CUL1: variants seen among roughly 807,000 people sequenced by gnomAD.
CUL1 encodes cullin-1.
In CUL1, 24 loss-of-function variants were observed where a neutral mutation model predicts 118.0. The ratio of observed to expected loss-of-function variants is 0.20; its 90% CI spans 0.15 to 0.29. CUL1 has a LOEUF of 0.29. Ranked by LOEUF, CUL1 falls within the 10% of genes least tolerant of loss-of-function variation. CUL1 has a pLI of 1.00. For missense variants in CUL1, 361 were observed against 933.8 expected (o/e 0.39, Z 7.99); for synonymous variants, 332 against 340.4 (o/e 0.98, Z 0.27).
intron 1 of CUL1, among the ~76,000 whole-genome samples, chr7:148,710,343 G>A (rs971264151): frequency 1.2e-4 from 18 of 152,114 alleles, no homozygotes; most frequent in Non-Finnish European, 2.4e-4. Flanking sequence ...GCCAAGGCGA[G>A]CGGATCACCT....
In CUL1 at chr7:148,756,973, T is replaced by G; in HGVS notation, c.316-10T>G. 1 of 1,565,466 alleles carries G rather than the reference T, an allele frequency of 6.4e-7. No individual in the cohort carries two copies. The highest frequency in any genetic ancestry group is 8.6e-7 in the Non-Finnish European group (1 of 1,156,176). On this transcript the variant is annotated splice_polypyrimidine_tract_variant and intron_variant, in intron 3 of 21. Transcript: ENST00000325222. The stretch of plus-strand genomic sequence containing the variant: ...TAGTCATCTTAAAGCTTTAGTTAAC[T>G]TGTTTTTAGGATGGAGAAGATTTGA...
chr7:148,761,384 G>A (rs928366649), intron 7 of CUL1, among the ~76,000 whole-genome samples: 1 of 152,144 alleles, frequency 6.6e-6, no homozygotes. Context: ...GGTGGCACGT[G>A]CCTGTAATCC....
At chr7:148,721,708 T>C (rs1798401998) in intron 1 of CUL1, among the ~76,000 whole-genome samples, 1 of 151,584 alleles carries the variant, frequency 6.6e-6, no homozygotes, top group South Asian at 2.1e-4. Flanking sequence ...ATATACTGTA[T>C]ATATTCCTTT....
At chr7:148,704,147 A>G (rs950035741) in intron 1 of CUL1, among the ~76,000 whole-genome samples, 19 of 140,190 alleles carry the variant, frequency 1.4e-4, no homozygotes, top group Non-Finnish European at 2.4e-4. Flanking sequence ...AACACCACCA[A>G]CAAAAGCGGC....
rs114645091 is a variant in CUL1 at position 148,738,243 on chromosome 7, C to T, written c.140+7981C>T. On this transcript the variant is annotated intron_variant, in intron 2 of 21. Transcript: ENST00000325222. ...TATTACGTTAGTAGTAGATGCTGAACTCCAGGAAGGCAGTCTGTTGGTGAG... is the reference window on the plus strand; with the variant it reads ...TATTACGTTAGTAGTAGATGCTGAATTCCAGGAAGGCAGTCTGTTGGTGAG... 1.8e-3 allele frequency among the ~76,000 whole-genome samples: 268 copies of T among 152,274 alleles called. 1 individual carries two copies. The highest frequency in any genetic ancestry group is 6.0e-3 in the African/African-American group (250 of 41,550).
intron 7 of CUL1, among the ~76,000 whole-genome samples, chr7:148,764,083 G>C (rs1468161771): frequency 6.6e-6 from 1 of 152,060 alleles, no homozygotes; most frequent in Non-Finnish European, 1.5e-5. Context: ...GACTACTGTA[G>C]GTTTCTAATG....
At position 148,706,424 on chromosome 7, in the gene CUL1, C is replaced by T. The variant is rs552969380; in HGVS notation, c.-162+7395C>T. Among the ~76,000 whole-genome samples, 10 of 152,184 alleles carry T rather than the reference C, an allele frequency of 6.6e-5. 1 individual carries two copies. In the South Asian group the frequency reaches 1.9e-3, roughly 28 times the overall value. On this transcript the variant is annotated intron_variant, in intron 1 of 21. Transcript: ENST00000325222. ...GTTGAGGATGGACTTTGACACACAG[C>T]ATGGGAATATATTACATCAATCATA...
chr7:148,738,797 T>C (rs907547997), intron 2 of CUL1, among the ~76,000 whole-genome samples: 2 of 152,262 alleles, frequency 1.3e-5, no homozygotes, highest in Non-Finnish European at 2.9e-5. Context: ...CTTGTCCTCA[T>C]ACTGTTTTAA....
At chr7:148,756,526 AG>A (rs1293725649) in intron 3 of CUL1, among the ~76,000 whole-genome samples, 1 of 152,068 alleles carries the variant, frequency 6.6e-6, no homozygotes, top group Non-Finnish European at 1.5e-5. Flanking sequence ...TAGTAGAGAC[AG>A]GGTTTCACCA....
chr7:148,725,774 G>C (rs995953382), intron 1 of CUL1, among the ~76,000 whole-genome samples: 2 of 152,194 alleles, frequency 1.3e-5, no homozygotes, highest in African/African-American at 4.8e-5. Context: ...TTTCTTTGCT[G>C]TATTAGTTAT....
intron 2 of CUL1, among the ~76,000 whole-genome samples, chr7:148,752,332 C>CAA (rs575861081): frequency 1.2e-3 from 177 of 152,138 alleles, no homozygotes; most frequent in African/African-American, 4.0e-3. Context: ...GAATATGAGA[C>CAA]AAGTGTGGGA....
chr7:148,719,005 G>A (rs1798309263), intron 1 of CUL1, among the ~76,000 whole-genome samples: 1 of 152,252 alleles, frequency 6.6e-6, no homozygotes, highest in East Asian at 1.9e-4. Context: ...CTTTAAGTAA[G>A]TAGAGAGAAA....
In CUL1 at chr7:148,724,602, C is replaced by T. The variant is rs533123256; in HGVS notation, c.-161-5360C>T. ...TCCTGTCAAGAAAATGATAATCCCT[C>T]TCCGGGGATTGGCCGTCTAGAGAAC... On this transcript the variant is annotated intron_variant, in intron 1 of 21. Transcript: ENST00000325222. 5.9e-5 allele frequency among the ~76,000 whole-genome samples: 9 copies of T among 152,308 alleles called. No homozygotes were observed. The East Asian group carries it at 1.5e-3, about 26-fold the overall frequency.
chr7:148,781,722 G>A (rs1005761995), intron 9 of CUL1, among the ~76,000 whole-genome samples: 12 of 152,200 alleles, frequency 7.9e-5, no homozygotes, highest in African/African-American at 2.4e-4. Flanking sequence ...TGAGGCTGGC[G>A]TTTTCGGGAA....
chr7:148,795,722 A>T (rs1801172538), intron 17 of CUL1, among the ~76,000 whole-genome samples: 2 of 146,404 alleles, frequency 1.4e-5, no homozygotes, highest in Non-Finnish European at 3.0e-5. Flanking sequence ...GTGAGCCCTG[A>T]TTGCGCCACT....
chr7:148,787,360 G>A lies in CUL1; in HGVS notation c.1479+240G>A, dbSNP rs1296828497. Among the ~76,000 whole-genome samples, 1 of 152,128 alleles carries A rather than the reference G, an allele frequency of 6.6e-6. No individual in the cohort carries two copies. Among genetic ancestry groups the A allele is most frequent in the African/African-American group, 2.4e-5 (1 of 41,426 alleles). ...GCCTGTAGTCCCAGCTACTTGGGAGGCTGAGGCAGGAGAATGGCATGAACC... is the reference window on the plus strand; with the variant it reads ...GCCTGTAGTCCCAGCTACTTGGGAGACTGAGGCAGGAGAATGGCATGAACC... On this transcript the variant is annotated intron_variant, in intron 13 of 21. Coordinates refer to ENST00000325222, the MANE Select transcript of CUL1 (RefSeq NM_003592.3). The surrounding 1 kb of genome is among the most constrained non-coding windows in gnomAD (Gnocchi z 5.5).
chr7:148,766,824 T>C (rs1023170892), intron 8 of CUL1, 101 bp downstream of exon 8: 11 of 1,015,638 alleles, frequency 1.1e-5, no homozygotes, highest in African/African-American at 1.6e-5. Flanking sequence ...TACTTGCCCA[T>C]GTCAGTTTTA....
intron 1 of CUL1, among the ~76,000 whole-genome samples, chr7:148,710,333 G>T (rs187322753): frequency 6.6e-6 from 1 of 152,168 alleles, no homozygotes; most frequent in Non-Finnish European, 1.5e-5. Flanking sequence ...ACTTTGGGAG[G>T]CCAAGGCGAG....
At chr7:148,735,469 C>T (rs73745351) in intron 2 of CUL1, among the ~76,000 whole-genome samples, 4,902 of 152,326 alleles carry the variant, frequency 0.032, 280 homozygotes, top group African/African-American at 0.11. Flanking sequence ...CTTCCTGCTT[C>T]GCCTGCTCAC....
Sources: gnomAD v4.1 joint callset for allele counts (sites outside exome capture counted in the v4.1 genomes callset) on GRCh38, gnomAD v4.1.1 for gene constraint, Gnocchi (gnomAD v3.1) non-coding constraint, MANE v1.5 for transcripts, NCBI Gene and HGNC (gene_info 2026-07-23, HGNC 2026-07-21) for gene names.